Variants in MYO5A observed in about 807,000 individuals in gnomAD.
MYO5A encodes the protein unconventional myosin-Va.
In MYO5A, 98 loss-of-function variants were observed where a neutral mutation model predicts 249.7. That is an observed-to-expected ratio of 0.39 (90% confidence interval 0.33 to 0.46). The LOEUF (loss-of-function observed/expected upper bound fraction) is 0.46, where lower values mean the gene tolerates loss of function less well. Among genes scored for constraint, MYO5A ranks in the 20% least tolerant of loss-of-function variants. MYO5A has a pLI of 0.98. For synonymous variants in MYO5A, 778 were observed against 810.6 expected, an observed-to-expected ratio of 0.96 and a Z score of 0.68; for missense variants, 1,696 against 2,308.8, an observed-to-expected ratio of 0.73 and a Z score of 5.44.
chr15:52,511,164 A>T (rs182510031), intron 1 of MYO5A, among the ~76,000 whole-genome samples: 1 of 152,308 alleles, frequency 6.6e-6, no homozygotes, highest in Non-Finnish European at 1.5e-5. Context: ...ACCCTAGGAG[A>T]TGCCACCTCT....
intron 1 of MYO5A, among the ~76,000 whole-genome samples, chr15:52,506,802 T>A (rs891543870): frequency 6.6e-6 from 1 of 152,234 alleles, no homozygotes; most frequent in Non-Finnish European, 1.5e-5. Context: ...GCCACTGCAC[T>A]CCAGCCTGGG....
At chr15:52,387,200 C>T (rs534196858) in intron 14 of MYO5A, among the ~76,000 whole-genome samples, 6 of 152,278 alleles carry the variant, frequency 3.9e-5, no homozygotes, top group African/African-American at 1.4e-4. Flanking sequence ...GGGGATCAAC[C>T]TAATCATCAA....
intron 8 of MYO5A, 89 bp downstream of exon 8, chr15:52,407,203 T>G: frequency 1.1e-6 from 1 of 913,394 alleles, no homozygotes; most frequent in Non-Finnish European, 1.8e-6. Context: ...ACTTGCCACT[T>G]AATAAAAAGT....
intron 9 of MYO5A, among the ~76,000 whole-genome samples, chr15:52,404,159 G>A (rs1188861500): frequency 6.6e-6 from 1 of 151,678 alleles, no homozygotes; most frequent in East Asian, 1.9e-4. Flanking sequence ...CAGCTACTCA[G>A]GAGGCTGAGG....
At chr15:52,405,183 G>C in intron 9 of MYO5A, 104 bp downstream of exon 9, 1 of 831,610 alleles carries the variant, frequency 1.2e-6, no homozygotes, top group Non-Finnish European at 2.0e-6. Flanking sequence ...TTATGTTTCT[G>C]ATAATATTGA....
In MYO5A at chr15:52,503,332, T is replaced by C. The variant is rs942797696; in HGVS notation, c.27+25448A>G. 2.6e-5 allele frequency among the ~76,000 whole-genome samples: 4 copies of C among 152,046 alleles called. No individual in the cohort carries two copies. In the East Asian group the frequency reaches 7.7e-4, roughly 29 times the overall value. On this transcript the variant is annotated intron_variant, in intron 1 of 41. Transcript: ENST00000399233. Reference sequence around the variant, plus strand: ...ACATCTATTATGTATCAATAAAAAATAAATTTAGGCTGGGCATGGTGGCTC... The same window carrying C: ...ACATCTATTATGTATCAATAAAAAACAAATTTAGGCTGGGCATGGTGGCTC...
chr15:52,314,630 T>C (rs759630657), intron 40 of MYO5A, among the ~76,000 whole-genome samples: 5 of 152,232 alleles, frequency 3.3e-5, no homozygotes, highest in African/African-American at 4.8e-5. Context: ...CTTTTCTCCA[T>C]ATAAAAATGT....
rs1212702962 is a variant in MYO5A at position 52,397,256 on chromosome 15, C to G, written c.1264G>C (p.Ala422Pro). ...FNWIVDNVNQALHSAVKQHSF... is the reference protein window; with the variant it reads ...FNWIVDNVNQPLHSAVKQHSF... ...TGCTGTTTGACAGCAGAATGGAGAG[C>G]CTGATTGACATTATCTACAATCCAG... Residue 422 changes from alanine (A) to proline (P), a missense_variant, in exon 10 of 42, where the codon GCT (alanine) becomes CCT (proline). By Grantham distance (27) the Ala-to-Pro change is conservative. Around this residue, in one of 5 missense-constraint regions of MYO5A, gnomAD observed 185 missense variants for 204.8 expected, o/e 0.90. Coordinates refer to ENST00000399233, the MANE Select transcript of MYO5A (RefSeq NM_001382347.1). The G allele has an allele frequency of 6.2e-7, 1 of 1,614,066 alleles. No individual in the cohort carries two copies. Among genetic ancestry groups the G allele is most frequent in the Non-Finnish European group, 8.5e-7 (1 of 1,179,992 alleles).
chr15:52,358,241 C>A (rs1038567420), intron 25 of MYO5A, among the ~76,000 whole-genome samples: 1 of 152,266 alleles, frequency 6.6e-6, no homozygotes, highest in African/African-American at 2.4e-5. Flanking sequence ...TCATGGCTTC[C>A]CCCTACCAGC....
In MYO5A at chr15:52,459,147, A is replaced by ATTTTTTTTTTTTTTTT. The variant is rs531798708; in HGVS notation, c.28-25878_28-25863dup. On this transcript the variant is annotated intron_variant, in intron 1 of 41. Transcript: ENST00000399233. ...CCTGAGTAGCTGGGATTTTCCAGAAATTTTTTTTTTTTTTTTTTTTTTTTT... is the reference window on the plus strand; with the variant it reads ...CCTGAGTAGCTGGGATTTTCCAGAAATTTTTTTTTTTTTTTTTTTTTTTTTTTTTTTTTTTTTTTTT... 7.5e-4 allele frequency among the ~76,000 whole-genome samples: 48 copies of ATTTTTTTTTTTTTTTT among 64,282 alleles called. 3 individuals carry two copies. The highest frequency in any genetic ancestry group is 9.7e-4 in the Non-Finnish European group (32 of 33,026). The allele number at this position is 64,282 out of a possible 152,430, so 42.2% of individuals were successfully genotyped here.
At chr15:52,506,688 T>C (rs1194063891) in intron 1 of MYO5A, among the ~76,000 whole-genome samples, 1 of 150,390 alleles carries the variant, frequency 6.6e-6, no homozygotes, top group African/African-American at 2.5e-5. Flanking sequence ...AATACAAAAT[T>C]AGCCGGCGTG....
intron 5 of MYO5A, among the ~76,000 whole-genome samples, chr15:52,414,596 G>A (rs374932439): frequency 1.4e-4 from 21 of 152,108 alleles, no homozygotes; most frequent in East Asian, 3.9e-4. Flanking sequence ...GTCCAGGCCC[G>A]GAAGAAATGG....
Position 52,313,669 on chromosome 15 carries a change from T to C in MYO5A, c.*27A>G. The C allele has an allele frequency of 1.9e-6, 3 of 1,613,472 alleles. No individual in the cohort carries two copies. Among genetic ancestry groups the C allele is most frequent in the South Asian group, 1.1e-5 (1 of 91,062 alleles). ...GTTCTTATTTCGGGCAAGAAATGTA[T>C]TGTCAATTTTTGCCTGGACATCACT... On this transcript the variant is annotated 3_prime_UTR_variant, in exon 42 of 42. Coordinates refer to ENST00000399233, the MANE Select transcript of MYO5A (RefSeq NM_001382347.1).
intron 40 of MYO5A, among the ~76,000 whole-genome samples, chr15:52,314,469 T>C (rs181419822): frequency 6.6e-6 from 1 of 152,314 alleles, no homozygotes; most frequent in East Asian, 1.9e-4. Flanking sequence ...GAATAAAACA[T>C]GAAAAATAAA....
chr15:52,326,542 G>C (rs1005439334), intron 36 of MYO5A, among the ~76,000 whole-genome samples: 1 of 152,162 alleles, frequency 6.6e-6, no homozygotes, highest in East Asian at 1.9e-4. Context: ...TCGCTCCCCA[G>C]GGCTGAGGGA....
chr15:52,406,228 T>C (rs893078007), intron 8 of MYO5A, among the ~76,000 whole-genome samples: 1 of 152,204 alleles, frequency 6.6e-6, no homozygotes, highest in Non-Finnish European at 1.5e-5. Flanking sequence ...AATGACCCTA[T>C]AATTAATGTT....
Position 52,407,407 on chromosome 15 carries a change from G to T in MYO5A, c.839-8C>A, listed in dbSNP as rs1272427072. 6.2e-7 allele frequency: 1 copy of T among 1,605,910 alleles called. No individual in the cohort carries two copies. Among genetic ancestry groups the T allele is most frequent in the African/African-American group, 1.3e-5 (1 of 74,862 alleles). On this transcript the variant is annotated splice_polypyrimidine_tract_variant and splice_region_variant and intron_variant, in intron 7 of 41. Transcript: ENST00000399233. ...TAAAGTTATCTGCATTTCCTGTAAT[G>T]AAGAAAAATAAAAATTTTCTGGTTT...
intron 1 of MYO5A, among the ~76,000 whole-genome samples, chr15:52,454,891 A>G (rs1478018772): frequency 2.6e-5 from 4 of 152,102 alleles, no homozygotes; most frequent in African/African-American, 4.8e-5. Context: ...CAAATGAACA[A>G]TCTAATAATG....
chr15:52,464,230 T>G (rs968913722), intron 1 of MYO5A, among the ~76,000 whole-genome samples: 1 of 152,234 alleles, frequency 6.6e-6, no homozygotes, highest in Non-Finnish European at 1.5e-5. Flanking sequence ...ATTCCTTTAC[T>G]ATACTCTACG....
Sources: gnomAD v4.1 joint callset for allele counts (sites outside exome capture counted in the v4.1 genomes callset) on GRCh38, gnomAD v4.1.1 for gene constraint, gnomAD v4.1.1 regional missense constraint, MANE v1.5 for transcripts, NCBI Gene and HGNC (gene_info 2026-07-23, HGNC 2026-07-21) for gene names.